The following TAF13 variants were observed in gnomAD, a reference collection of about 807,000 sequenced individuals.
TAF13 encodes the protein transcription initiation factor TFIID subunit 13.
In TAF13, 9 loss-of-function variants were observed where a neutral mutation model predicts 18.7. The ratio of observed to expected loss-of-function variants is 0.48; its 90% confidence interval spans 0.29 to 0.84. The LOEUF (loss-of-function observed/expected upper bound fraction) is 0.84, where lower values mean the gene tolerates loss of function less well. Ranked by LOEUF, TAF13 falls within the 40% of genes least tolerant of loss-of-function variation. The pLI is 0.08. For missense variants in TAF13, 105 were observed against 146.5 expected (o/e 0.72, Z 1.46); for synonymous variants, 49 against 44.1 (o/e 1.11, Z -0.44).
intron 2 of TAF13, among the ~76,000 whole-genome samples, chr1:109,069,925 T>A (rs963279965): frequency 3.9e-5 from 6 of 151,978 alleles, no homozygotes; most frequent in Non-Finnish European, 7.4e-5. Context: ...TTTGCCTTTT[T>A]AAAAAAAAGA....
chr1:109,072,780 CTTTTT>C (rs58964826), intron 2 of TAF13, among the ~76,000 whole-genome samples: 5 of 130,420 alleles, frequency 3.8e-5, no homozygotes, highest in Admixed American at 1.5e-4. Flanking sequence ...GATTCACCAC[CTTTTT>C]TTTTTTTTTT....
intron 2 of TAF13, among the ~76,000 whole-genome samples, 172 bp downstream of exon 2, chr1:109,074,791 AAAAGCAATTTATACACACACACAC>A (rs1365521065): frequency 6.6e-6 from 1 of 152,000 alleles, no homozygotes; most frequent in Admixed American, 6.5e-5. Flanking sequence ...AAAAAAAAAA[AAAAGCAATTTATACACACACACAC>A]AATTGGGGTT....
In TAF13 at chr1:109,075,866, A is replaced by G. The variant is rs191999276; in HGVS notation, c.27+55T>C. The G allele has an allele frequency of 7.9e-3, 12,811 of 1,612,096 alleles. 73 individuals carry two copies. Among genetic ancestry groups the G allele is most frequent in the Non-Finnish European group, 8.7e-3 (10,229 of 1,178,188 alleles). On this transcript the variant is annotated intron_variant, in intron 1 of 3. Transcript: ENST00000338366. ...CCCGATCCTGAACTCTGCCTCCGCT[A>G]CTGAGCCCGAAGGAGTGAAGAAAAG...
rs767247864 is a variant in TAF13, at chr1:109,064,600, C to T, written c.298G>A (p.Val100Ile). 1 of 1,586,226 alleles carries T rather than the reference C, an allele frequency of 6.3e-7. No individual in the cohort carries two copies. The highest frequency in any genetic ancestry group is 1.2e-5 in the South Asian group (1 of 85,894). ...IRKDPRKFARVKDLLTMNEEL... is the reference protein window; with the variant it reads ...IRKDPRKFARIKDLLTMNEEL... ...TCATTCATAGTAAGCAAGTCTTTAACCCTGGCAAACTTCCTTGGGTCCTTT... is the reference window on the plus strand; with the variant it reads ...TCATTCATAGTAAGCAAGTCTTTAATCCTGGCAAACTTCCTTGGGTCCTTT... Residue 100 changes from valine (V) to isoleucine (I), a missense_variant, in exon 4 of 4, where the codon GTT becomes ATT. By Grantham distance (29) the Val-to-Ile change is conservative. Transcript: ENST00000338366.
At chr1:109,073,129 T>C (rs756187694) in intron 2 of TAF13, among the ~76,000 whole-genome samples, 1 of 152,152 alleles carries the variant, frequency 6.6e-6, no homozygotes, top group Non-Finnish European at 1.5e-5. Flanking sequence ...GGATCCATTA[T>C]TACCTGTGGC....
chr1:109,069,369 A>G (rs1664011119), intron 2 of TAF13, among the ~76,000 whole-genome samples: 1 of 152,224 alleles, frequency 6.6e-6, no homozygotes. Context: ...GTATATTTTA[A>G]ATCATCTCTA....
In TAF13 at chr1:109,064,662, C is replaced by A. The variant is rs778604052; in HGVS notation, c.236G>T (p.Gly79Val). The change falls in exon 4 of 4, where the codon GGT becomes GTT. Residue 79 changes from glycine to valine, a missense_variant. By Grantham distance (109) the Gly-to-Val change is moderately radical (BLOSUM62 -3). Transcript: ENST00000338366. ...THKAMSIGRQ[G>V]RVQVEDIVFL... The stretch of plus-strand genomic sequence containing the variant: ...GACGATATCTTCAACTTGTACTCGA[C>A]CTTGTCTTCCAATTGACATTGCCTT... The A allele has an allele frequency of 3.3e-5, 51 of 1,537,132 alleles. No individual in the cohort carries two copies. Among genetic ancestry groups the A allele is most frequent in the Non-Finnish European group, 4.2e-5 (48 of 1,143,410 alleles).
At position 109,064,375 on chromosome 1, in the gene TAF13, A is replaced by C; in HGVS notation, c.*148T>G. ...AATTACATGCACCAATATCACCCTA[A>C]AATCAAAGGCATAAAAATAAAGGCT... On this transcript the variant is annotated 3_prime_UTR_variant, in exon 4 of 4. Transcript: ENST00000338366. The C allele has an allele frequency of 1.5e-6, 1 of 665,442 alleles. No individual in the cohort carries two copies. The highest frequency in any genetic ancestry group is 3.4e-5 in the East Asian group (1 of 29,354). The allele number at this position is 665,442 out of a possible 1,614,324, so 41.2% of individuals were successfully genotyped here.
intron 3 of TAF13, 96 bp from the exon 4 acceptor site, chr1:109,064,789 T>C (rs1317225639): frequency 8.9e-6 from 9 of 1,013,144 alleles, no homozygotes; most frequent in Non-Finnish European, 1.2e-5. Flanking sequence ...TAGAAGATTT[T>C]CTCTTATTAT....
intron 3 of TAF13, among the ~76,000 whole-genome samples, chr1:109,064,978 GTCT>G (rs1557983744): frequency 1.3e-5 from 2 of 151,746 alleles, no homozygotes; most frequent in African/African-American, 4.8e-5. Flanking sequence ...TGTAGATTTT[GTCT>G]TCATTTATAT....
chr1:109,073,706 G>A (rs906250962), intron 2 of TAF13, among the ~76,000 whole-genome samples: 3 of 152,120 alleles, frequency 2.0e-5, no homozygotes, highest in African/African-American at 4.8e-5. Context: ...GCGTGATCTC[G>A]GCTCGCTACA....
chr1:109,073,299 G>A (rs1664107164), intron 2 of TAF13, among the ~76,000 whole-genome samples: 1 of 151,900 alleles, frequency 6.6e-6, no homozygotes, highest in South Asian at 2.1e-4. Flanking sequence ...CAGCACTTTG[G>A]GAGGCCGAGG....
chr1:109,070,217 CTTTTT>C (rs142649912), intron 2 of TAF13, among the ~76,000 whole-genome samples: 10,347 of 152,018 alleles, frequency 0.068, 391 homozygotes, highest in Middle Eastern at 0.16. Context: ...TTGACGCTTT[CTTTTT>C]TTATTTTTAT....
Position 109,064,429 on chromosome 1 carries a change from T to A in TAF13, c.*94A>T, listed in dbSNP as rs925429729. The A allele has an allele frequency of 8.6e-7, 1 of 1,165,654 alleles. No individual in the cohort carries two copies. The highest frequency in any genetic ancestry group is 1.6e-5 in the African/African-American group (1 of 62,844). The allele number at this position is 1,165,654 out of a possible 1,614,324, so 72.2% of individuals were successfully genotyped here. ...AACTTTGTGTTTCTCCATCTTTCAT[T>A]TACATGGCTAGATATCAGAATCTTA... On this transcript the variant is annotated 3_prime_UTR_variant, in exon 4 of 4. Transcript: ENST00000338366.
At chr1:109,069,382 T>C (rs1038500100) in intron 2 of TAF13, among the ~76,000 whole-genome samples, 2 of 152,226 alleles carry the variant, frequency 1.3e-5, no homozygotes, top group Non-Finnish European at 2.9e-5. Context: ...CATCTCTAGG[T>C]TACTTACAAT....
chr1:109,073,965 G>A (rs1211471058), intron 2 of TAF13, among the ~76,000 whole-genome samples: 1 of 151,286 alleles, frequency 6.6e-6, no homozygotes, highest in African/African-American at 2.4e-5. Context: ...GGTGAGGAGC[G>A]CCTCTGCCCG....
chr1:109,075,195 A>G, intron 1 of TAF13, 130 bp from the exon 2 acceptor site: 1 of 735,720 alleles, frequency 1.4e-6, no homozygotes, highest in Non-Finnish European at 2.2e-6. Flanking sequence ...AAAAAAAACC[A>G]CGAAACCTTA....
chr1:109,066,292 T>TA, intron 2 of TAF13, 60 bp from the exon 3 acceptor site: 2 of 1,360,520 alleles, frequency 1.5e-6, no homozygotes, highest in Non-Finnish European at 1.0e-6. Flanking sequence ...TTTGATACTT[T>TA]AAAAAAATAA....
chr1:109,071,650 TAA>T (rs1664054657), intron 2 of TAF13, among the ~76,000 whole-genome samples: 2 of 150,998 alleles, frequency 1.3e-5, no homozygotes, highest in South Asian at 4.2e-4. Flanking sequence ...TAATTTTTCT[TAA>T]AAAAGATACA....
Sources: allele counts gnomAD v4.1 joint callset (sites outside exome capture counted in the v4.1 genomes callset), GRCh38; gene constraint gnomAD v4.1.1; transcripts MANE v1.5; gene names NCBI Gene and HGNC (gene_info 2026-07-23, HGNC 2026-07-21).